Variants in CNTLN observed in about 807,000 individuals in gnomAD.
CNTLN encodes the protein centlein, also known as centlein, centrosomal protein.
CNTLN carries 212 observed loss-of-function variants against 180.0 expected under a neutral mutation model. That is an observed-to-expected ratio of 1.18 (90% confidence interval 1.05 to 1.32). The LOEUF (loss-of-function observed/expected upper bound fraction) is 1.32, where lower values mean the gene tolerates loss of function less well. Among genes scored for constraint, CNTLN ranks in the 40% most tolerant of loss-of-function variants. The pLI, the probability that CNTLN is intolerant of heterozygous loss-of-function variation, is 0.00. For missense variants in CNTLN, 2,095 were observed against 1,610.9 expected (o/e 1.30, Z -5.14); for synonymous variants, 722 against 563.1 (o/e 1.28, Z -3.99).
intron 2 of CNTLN, among the ~76,000 whole-genome samples, chr9:17,149,376 C>G (rs1055552937): frequency 8.6e-5 from 13 of 152,040 alleles, no homozygotes; most frequent in African/African-American, 3.1e-4. Context: ...AGTTCTAGAT[C>G]CTTGAGGAAT....
At chr9:17,441,486 AG>A (rs1830104427) in intron 18 of CNTLN, among the ~76,000 whole-genome samples, 2 of 152,138 alleles carry the variant, frequency 1.3e-5, no homozygotes, top group African/African-American at 4.8e-5. Flanking sequence ...TGAGCTTAAA[AG>A]ATTGTTATAA....
In CNTLN at chr9:17,418,889, GT is replaced by G. The variant is rs1388179392; in HGVS notation, c.3114+2702del. ...ATATGTAATTAAAGTACCATTGTTCGTTAAGAGGTTGATAAGAGGAACACAA... is the reference window on the plus strand; with the variant it reads ...ATATGTAATTAAAGTACCATTGTTCGTAAGAGGTTGATAAGAGGAACACAA... On this transcript the variant is annotated intron_variant, in intron 18 of 25. Coordinates refer to ENST00000380647, the MANE Select transcript of CNTLN (RefSeq NM_017738.4). Among the ~76,000 whole-genome samples the G allele has an allele frequency of 2.6e-5, 4 of 151,946 alleles. No individual in the cohort carries two copies. In the East Asian group the frequency reaches 5.8e-4, roughly 22 times the overall value.
chr9:17,426,860 A>G (rs774012236), intron 18 of CNTLN, among the ~76,000 whole-genome samples: 7 of 152,030 alleles, frequency 4.6e-5, no homozygotes, highest in Non-Finnish European at 1.0e-4. Context: ...CATCCAGACT[A>G]CACTACTTAA....
intron 5 of CNTLN, among the ~76,000 whole-genome samples, chr9:17,245,678 A>G (rs1339300816): frequency 6.6e-6 from 1 of 151,626 alleles, no homozygotes; most frequent in Non-Finnish European, 1.5e-5. Flanking sequence ...TAATTGTTAG[A>G]TTTGCCCTTT....
chr9:17,487,452 A>G (rs921086329), intron 25 of CNTLN, among the ~76,000 whole-genome samples: 3 of 152,130 alleles, frequency 2.0e-5, no homozygotes, highest in African/African-American at 4.8e-5. Flanking sequence ...ACCTTTTACT[A>G]TGGACCTGTT....
chr9:17,446,298 C>T (rs528326646), intron 18 of CNTLN, among the ~76,000 whole-genome samples: 5 of 152,260 alleles, frequency 3.3e-5, no homozygotes, highest in African/African-American at 1.2e-4. Flanking sequence ...GAGAAACACC[C>T]ACAGGTGTGG....
intron 19 of CNTLN, among the ~76,000 whole-genome samples, chr9:17,459,796 C>G (rs934526200): frequency 1.3e-5 from 2 of 151,674 alleles, no homozygotes; most frequent in African/African-American, 4.8e-5. Flanking sequence ...TATAAAGGCA[C>G]CACTCAGACT....
intron 1 of CNTLN, among the ~76,000 whole-genome samples, chr9:17,142,240 G>A (rs556869825): frequency 6.6e-6 from 1 of 152,236 alleles, no homozygotes; most frequent in African/African-American, 2.4e-5. Flanking sequence ...AAAACATTAT[G>A]AGATTTATTT....
At chr9:17,321,562 A>G (rs926124599) in intron 8 of CNTLN, among the ~76,000 whole-genome samples, 3 of 152,166 alleles carry the variant, frequency 2.0e-5, no homozygotes, top group African/African-American at 4.8e-5. Flanking sequence ...TTGGAAGGGT[A>G]TATCTAATTG....
At chr9:17,232,271 A>G (rs753287649) in intron 3 of CNTLN, among the ~76,000 whole-genome samples, 38 of 152,112 alleles carry the variant, frequency 2.5e-4, no homozygotes, top group Middle Eastern at 3.4e-3. Flanking sequence ...ATAAGTAACT[A>G]TATTATGCAA....
At chr9:17,364,319 C>G (rs558103134) in intron 12 of CNTLN, among the ~76,000 whole-genome samples, 1 of 152,004 alleles carries the variant, frequency 6.6e-6, no homozygotes, top group African/African-American at 2.4e-5. Flanking sequence ...CTTCCTTTAC[C>G]TCCTTCTGCT....
intron 12 of CNTLN, among the ~76,000 whole-genome samples, chr9:17,359,824 T>C (rs937860986): frequency 2.0e-5 from 3 of 147,232 alleles, no homozygotes; most frequent in African/African-American, 7.5e-5. Context: ...GGCGTGAACC[T>C]GGGAGGCGGA....
intron 2 of CNTLN, among the ~76,000 whole-genome samples, chr9:17,165,486 G>A (rs1343121711): frequency 1.3e-5 from 2 of 152,148 alleles, no homozygotes; most frequent in African/African-American, 4.8e-5. Flanking sequence ...TACATAGAAT[G>A]TAGAAATTTC....
rs1436479284 is a variant in CNTLN, at chr9:17,340,857, C to T, written c.1675C>T (p.His559Tyr). The change falls in exon 11 of 26, where the codon CAT (histidine) becomes TAT (tyrosine). Residue 559 changes from histidine (H) to tyrosine (Y), a missense_variant. His to Tyr is a moderately conservative substitution (Grantham distance 83). Transcript: ENST00000380647. ...SQENDELRDA[H>Y]EKRKERLQML... Reference sequence around the variant, plus strand: ...AGAAAATGATGAGCTAAGAGATGCCCATGAAAAACGCAAGGAACGGCTACA... The same window carrying T: ...AGAAAATGATGAGCTAAGAGATGCCTATGAAAAACGCAAGGAACGGCTACA... The T allele has an allele frequency of 1.2e-6, 2 of 1,611,336 alleles. No homozygotes were observed. The highest frequency in any genetic ancestry group is 3.3e-5 in the Admixed American group (2 of 59,726).
At chr9:17,463,366 T>G (rs1831562025) in intron 20 of CNTLN, among the ~76,000 whole-genome samples, 1 of 151,652 alleles carries the variant, frequency 6.6e-6, no homozygotes, top group Non-Finnish European at 1.5e-5. Context: ...TGCCTAAGCT[T>G]ATAAAGCTAA....
In CNTLN at chr9:17,252,555, G is replaced by A. The variant is rs964092401; in HGVS notation, c.849+15967G>A. Among the ~76,000 whole-genome samples the A allele has an allele frequency of 2.6e-5, 4 of 151,612 alleles. No homozygotes were observed. The South Asian group carries it at 6.2e-4, about 24-fold the overall frequency. On this transcript the variant is annotated intron_variant, in intron 5 of 25. Transcript: ENST00000380647. ...ATGTGTATATCTTCTTTTGAGAAAT[G>A]TCCATTTTTGTACATGTTATAATGT... is the stretch of plus-strand genomic sequence containing the variant.
intron 15 of CNTLN, among the ~76,000 whole-genome samples, chr9:17,398,094 C>G (rs565210608): frequency 3.3e-4 from 50 of 151,766 alleles, no homozygotes; most frequent in African/African-American, 1.2e-3. Context: ...TATTTATTTC[C>G]CATAGTTGAA....
intron 23 of CNTLN, among the ~76,000 whole-genome samples, chr9:17,481,074 G>T (rs561376954): frequency 6.6e-6 from 1 of 152,088 alleles, no homozygotes; most frequent in African/African-American, 2.4e-5. Flanking sequence ...CCCAGCTTAC[G>T]TACCCACCCA....
At chr9:17,194,088 C>G (rs974881935) in intron 2 of CNTLN, among the ~76,000 whole-genome samples, 1 of 152,200 alleles carries the variant, frequency 6.6e-6, no homozygotes, top group Non-Finnish European at 1.5e-5. Flanking sequence ...GTACAGGGAC[C>G]CTGGGCCCGG....
Sources: gnomAD v4.1 joint callset for allele counts (sites outside exome capture counted in the v4.1 genomes callset) on GRCh38, gnomAD v4.1.1 for gene constraint, MANE v1.5 for transcripts, NCBI Gene and HGNC (gene_info 2026-07-23, HGNC 2026-07-21) for gene names.